Variants in USP32 observed in about 807,000 individuals in gnomAD.
The protein encoded by USP32 is ubiquitin carboxyl-terminal hydrolase 32.
USP32 carries 59 observed loss-of-function variants against 204.8 expected under a neutral mutation model. The ratio of observed to expected loss-of-function variants is 0.29; its 90% CI spans 0.23 to 0.36. The LOEUF is 0.36. Ranked by LOEUF, USP32 falls within the 10% of genes least tolerant of loss-of-function variation. The pLI is 1.00. For missense variants in USP32, 1,160 were observed against 1,946.4 expected, an observed-to-expected ratio of 0.60 and a Z score of 7.60; for synonymous variants, 517 against 678.4, an observed-to-expected ratio of 0.76 and a Z score of 3.70.
rs553290361 is a variant in USP32 at position 60,304,345 on chromosome 17, C to T, written c.187-2641G>A. ...TCTTTCAAAAAGAAAAGATATTTTG[C>T]TTCCCTTTATTTTTTTATTTTTTTT... On this transcript the variant is annotated intron_variant, in intron 2 of 33. Coordinates refer to ENST00000300896, the MANE Select transcript of USP32 (RefSeq NM_032582.4). Among the ~76,000 whole-genome samples the T allele has an allele frequency of 2.0e-5, 3 of 151,182 alleles. No homozygotes were observed. In the South Asian group the frequency reaches 6.2e-4, roughly 31 times the overall value.
intron 5 of USP32, 147 bp from the exon 6 acceptor site, chr17:60,271,628 A>G: frequency 1.3e-6 from 1 of 764,748 alleles, no homozygotes; most frequent in Non-Finnish European, 1.9e-6. Context: ...CAAAACTGAA[A>G]TTTATTATAT....
intron 27 of USP32, among the ~76,000 whole-genome samples, chr17:60,193,314 C>T (rs1361255833): frequency 1.3e-5 from 2 of 152,128 alleles, no homozygotes; most frequent in East Asian, 1.9e-4. Flanking sequence ...ACAAGAACAC[C>T]GACACATTGC....
chr17:60,218,419 A>G (rs1357094896), intron 16 of USP32, among the ~76,000 whole-genome samples: 1 of 152,190 alleles, frequency 6.6e-6, no homozygotes, highest in African/African-American at 2.4e-5. Flanking sequence ...AAGAATCTTC[A>G]TATATTAAAT....
chr17:60,202,663 TAA>T, intron 26 of USP32, among the ~76,000 whole-genome samples: 1 of 152,154 alleles, frequency 6.6e-6, no homozygotes, highest in Non-Finnish European at 1.5e-5. Flanking sequence ...GTGTCATTTT[TAA>T]AGTTTATTCC....
chr17:60,254,577 T>C (rs2086246828), intron 10 of USP32, among the ~76,000 whole-genome samples: 1 of 152,176 alleles, frequency 6.6e-6, no homozygotes, highest in African/African-American at 2.4e-5. Flanking sequence ...CACATGCCTA[T>C]AGTCCCAGCT....
chr17:60,340,555 A>AT (rs1303773030), intron 2 of USP32, among the ~76,000 whole-genome samples: 2 of 152,196 alleles, frequency 1.3e-5, no homozygotes, highest in Non-Finnish European at 2.9e-5. Context: ...TTTTGAGCCT[A>AT]TGTACGACTT....
intron 1 of USP32, chr17:60,421,678 G>A (rs997109282): frequency 1.2e-6 from 1 of 869,220 alleles, no homozygotes; most frequent in African/African-American, 1.8e-5. Flanking sequence ...CAGGGGCGAG[G>A]GTCCCGGGGC....
chr17:60,293,989 T>C (rs1287029444), intron 4 of USP32, among the ~76,000 whole-genome samples: 1 of 152,228 alleles, frequency 6.6e-6, no homozygotes, highest in Non-Finnish European at 1.5e-5. Flanking sequence ...GATATACTTT[T>C]TCTATTGCTG....
In USP32 at chr17:60,179,315, G is replaced by T; in HGVS notation, c.4755C>A (p.Asp1585Glu). Residue 1585 changes from aspartate (D) to glutamate (E), a missense_variant, in exon 34 of 34, where the codon GAC becomes GAA. Physicochemically the swap from Asp to Glu is conservative, Grantham distance 45. Coordinates refer to ENST00000300896, the MANE Select transcript of USP32 (RefSeq NM_032582.4). ...CAAAGTCTTCATCCATACTGCTTGT[G>T]TCTGCCATCTTTTTGCCATCAGTCT... ...LPKTDGKKMA[D>E]TSSMDEDFES... 2 of 1,613,930 alleles carry T rather than the reference G, an allele frequency of 1.2e-6. No homozygotes were observed. Among genetic ancestry groups the T allele is most frequent in the Non-Finnish European group, 1.7e-6 (2 of 1,179,862 alleles).
chr17:60,185,390 T>A (rs529267472), intron 30 of USP32, 70 bp downstream of exon 30: 16 of 1,473,250 alleles, frequency 1.1e-5, no homozygotes, highest in Non-Finnish European at 1.3e-5. Flanking sequence ...TAACAAAACC[T>A]CCTGTTTGTT....
chr17:60,418,307 A>G (rs187791010), intron 1 of USP32, among the ~76,000 whole-genome samples: 2 of 150,450 alleles, frequency 1.3e-5, no homozygotes, highest in East Asian at 2.0e-4. Context: ...TGGCCAGGCT[A>G]GTCTCAAACT....
At chr17:60,304,972 C>A (rs2087686650) in intron 2 of USP32, 1 of 152,206 alleles carries the variant, frequency 6.6e-6, no homozygotes, top group East Asian at 1.9e-4. Flanking sequence ...CTGGGGGAAA[C>A]CAGAGCCCAA....
intron 9 of USP32, among the ~76,000 whole-genome samples, chr17:60,260,518 T>TAA (rs34862998): frequency 2.1e-4 from 29 of 139,464 alleles, no homozygotes; most frequent in African/African-American, 6.7e-4. Context: ...AGCAAGACTT[T>TAA]AAAAAAAAAA....
At chr17:60,396,069 C>CTTTTTTT (rs936063243), upstream of USP32, among the ~76,000 whole-genome samples, 2 of 74,922 alleles carry the variant, frequency 2.7e-5, no homozygotes, top group African/African-American at 1.5e-4. Context: ...GCACTTGAAG[C>CTTTTTTT]TTTTTTTTTT....
intron 12 of USP32, among the ~76,000 whole-genome samples, chr17:60,234,161 T>C (rs572016325): frequency 9.9e-4 from 150 of 151,450 alleles, no homozygotes; most frequent in Middle Eastern, 6.8e-3. Flanking sequence ...TCGCCCAGGC[T>C]GGAGTGCAGT....
intron 2 of USP32, among the ~76,000 whole-genome samples, chr17:60,326,599 A>G (rs1281358617): frequency 6.6e-6 from 1 of 152,160 alleles, no homozygotes; most frequent in African/African-American, 2.4e-5. Flanking sequence ...GTGCCCGGCC[A>G]TGGTTTATTT....
In USP32 at chr17:60,221,221, C is replaced by G. The variant is rs1405181136; in HGVS notation, c.1749+1188G>C. ...CCAGCCTGGGCAACACAGCAAGATT[C>G]TGTCTCTTAAAAAAATTTAAAAATT... On this transcript the variant is annotated intron_variant, in intron 15 of 33. Coordinates refer to ENST00000300896, the MANE Select transcript of USP32 (RefSeq NM_032582.4). Among the ~76,000 whole-genome samples, 3 of 152,174 alleles carry G rather than the reference C, an allele frequency of 2.0e-5. No homozygotes were observed. The East Asian group carries it at 5.8e-4, about 29-fold the overall frequency.
intron 1 of USP32, among the ~76,000 whole-genome samples, chr17:60,366,304 A>G (rs2089312048): frequency 6.6e-6 from 1 of 152,048 alleles, no homozygotes; most frequent in Non-Finnish European, 1.5e-5. Context: ...GATTACAGAC[A>G]CATGCCACCA....
chr17:60,193,694 C>G (rs1369579984), intron 27 of USP32, among the ~76,000 whole-genome samples: 1 of 152,140 alleles, frequency 6.6e-6, no homozygotes, highest in African/African-American at 2.4e-5. Flanking sequence ...GCATACTTTA[C>G]AGCTCATCTG....
Sources: gnomAD v4.1 joint callset for allele counts (sites outside exome capture counted in the v4.1 genomes callset) on GRCh38, gnomAD v4.1.1 for gene constraint, MANE v1.5 for transcripts, NCBI Gene and HGNC (gene_info 2026-07-23, HGNC 2026-07-21) for gene names.